The following AGBL4 variants were observed in gnomAD, a reference collection of about 807,000 sequenced individuals.
AGBL4 encodes cytosolic carboxypeptidase 6.
Under a neutral mutation model 66.4 loss-of-function variants are expected in AGBL4, and 58 were observed. The observed-to-expected ratio is 0.87, with a 90% CI of 0.71 to 1.09. The LOEUF is 1.09. Ranked by LOEUF, AGBL4 falls within the 50% of genes least tolerant of loss-of-function variation. The pLI, the probability that AGBL4 is intolerant of heterozygous loss-of-function variation, is 0.00. For missense variants in AGBL4, 579 were observed against 631.0 expected, an observed-to-expected ratio of 0.92 and a Z score of 0.88; for synonymous variants, 234 against 222.9, an observed-to-expected ratio of 1.05 and a Z score of -0.44.
intron 1 of AGBL4, among the ~76,000 whole-genome samples, chr1:49,880,990 G>T (rs554441430): frequency 7.2e-5 from 11 of 152,264 alleles, no homozygotes; most frequent in African/African-American, 2.4e-4. Context: ...TGCTTCCCAG[G>T]TGAGGCAATG....
intron 2 of AGBL4, among the ~76,000 whole-genome samples, chr1:49,741,836 G>A (rs1650511766): frequency 1.3e-5 from 2 of 152,078 alleles, no homozygotes; most frequent in Admixed American, 1.3e-4. Flanking sequence ...AAAGGCCTTT[G>A]ACAAAATTCA....
intron 3 of AGBL4, among the ~76,000 whole-genome samples, chr1:49,429,664 CCTTAT>C (rs1192217919): frequency 6.6e-6 from 1 of 151,968 alleles, no homozygotes; most frequent in African/African-American, 2.4e-5. Context: ...AAAATAAGAA[CCTTAT>C]CTTATCACTC....
intron 1 of AGBL4, among the ~76,000 whole-genome samples, chr1:49,861,027 A>T (rs1268336413): frequency 1.3e-5 from 2 of 152,114 alleles, no homozygotes; most frequent in Admixed American, 1.3e-4. Context: ...TGACGCACTG[A>T]ACTCAGTGCT....
chr1:48,740,785 G>A (rs1649797751), intron 6 of AGBL4, among the ~76,000 whole-genome samples: 1 of 152,168 alleles, frequency 6.6e-6, no homozygotes, highest in Non-Finnish European at 1.5e-5. Context: ...GCAGAGCCAA[G>A]AACAATGAGG....
At chr1:48,788,679 C>T (rs923258526) in intron 6 of AGBL4, among the ~76,000 whole-genome samples, 2 of 152,144 alleles carry the variant, frequency 1.3e-5, no homozygotes, top group Non-Finnish European at 2.9e-5. Flanking sequence ...TTCTGTGATG[C>T]CCTGCCTTAT....
intron 3 of AGBL4, among the ~76,000 whole-genome samples, chr1:49,361,727 C>A (rs759581625): frequency 6.6e-6 from 1 of 152,090 alleles, no homozygotes; most frequent in Admixed American, 6.6e-5. Context: ...TCTTCCTATT[C>A]ATTCGCCATT....
intron 6 of AGBL4, among the ~76,000 whole-genome samples, chr1:48,731,150 C>T (rs1029666486): frequency 2.0e-5 from 3 of 152,116 alleles, no homozygotes; most frequent in Non-Finnish European, 4.4e-5. Flanking sequence ...AATCTCAATC[C>T]AGCAGACAGC....
At chr1:49,968,634 T>G (rs1657776092) in intron 1 of AGBL4, among the ~76,000 whole-genome samples, 1 of 152,188 alleles carries the variant, frequency 6.6e-6, no homozygotes. Flanking sequence ...CTCCAGGTAA[T>G]TAAGTTCTAG....
chr1:48,656,260 C>T (rs1415816581), intron 7 of AGBL4, among the ~76,000 whole-genome samples: 2 of 152,234 alleles, frequency 1.3e-5, no homozygotes. Context: ...TCAACTGAGA[C>T]ATATTTATTG....
At chr1:48,669,069 C>T (rs1449038633) in intron 6 of AGBL4, among the ~76,000 whole-genome samples, 1 of 152,110 alleles carries the variant, frequency 6.6e-6, no homozygotes, top group Non-Finnish European at 1.5e-5. Context: ...TTCTTCTGTA[C>T]CCTGAGGGGG....
At chr1:48,700,568 G>A (rs1646785740) in intron 6 of AGBL4, among the ~76,000 whole-genome samples, 1 of 152,198 alleles carries the variant, frequency 6.6e-6, no homozygotes, top group Admixed American at 6.5e-5. Context: ...ACAGGTAGGA[G>A]GGCATGTGTG....
At chr1:49,403,977 T>C (rs1185932547) in intron 3 of AGBL4, among the ~76,000 whole-genome samples, 1 of 152,150 alleles carries the variant, frequency 6.6e-6, no homozygotes, top group African/African-American at 2.4e-5. Flanking sequence ...CTCCCTCCCA[T>C]TTATCTGAGT....
At chr1:49,877,137 G>A (rs1232475760) in intron 1 of AGBL4, among the ~76,000 whole-genome samples, 1 of 151,432 alleles carries the variant, frequency 6.6e-6, no homozygotes, top group Admixed American at 6.6e-5. Flanking sequence ...TTTCCTAATT[G>A]AATACCCTTT....
At position 48,742,847 on chromosome 1, in the gene AGBL4, T is replaced by C. The variant is rs17104751; in HGVS notation, c.635-79606A>G. The C allele has an allele frequency of 3.9e-4, 541 of 1,399,808 alleles. 2 individuals carry two copies. The African/African-American group carries it at 6.9e-3, about 18-fold the overall frequency. The allele number at this position is 1,399,808 out of a possible 1,614,324, so 86.7% of individuals were successfully genotyped here. A position where few individuals can be genotyped will look rare whatever the true frequency, so the allele number is the denominator to read the frequency against. On this transcript the variant is annotated intron_variant, in intron 6 of 13. Transcript: ENST00000371839. ...GCAAATATTTTTAACTAGGCATCTA[T>C]CAGCACACCATGGCACAAAAAATTT...
chr1:49,134,874 G>A (rs1645978617), intron 4 of AGBL4, among the ~76,000 whole-genome samples: 1 of 152,080 alleles, frequency 6.6e-6, no homozygotes, highest in Admixed American at 6.6e-5. Flanking sequence ...AAATGTCCAT[G>A]AAATTTTCAC....
intron 2 of AGBL4, among the ~76,000 whole-genome samples, chr1:49,752,168 G>A (rs942142051): frequency 6.6e-6 from 1 of 151,940 alleles, no homozygotes; most frequent in Non-Finnish European, 1.5e-5. Context: ...TGTGATGTTA[G>A]CGTGTCAATT....
At chr1:49,584,154 C>T (rs937439070) in intron 3 of AGBL4, among the ~76,000 whole-genome samples, 2 of 152,188 alleles carry the variant, frequency 1.3e-5, no homozygotes, top group Non-Finnish European at 2.9e-5. Flanking sequence ...AGTGGAAACA[C>T]TTTACTTCAG....
downstream of AGBL4, among the ~76,000 whole-genome samples, chr1:48,530,588 CATT>C (rs1376494090): frequency 6.6e-6 from 1 of 152,176 alleles, no homozygotes; most frequent in African/African-American, 2.4e-5. Flanking sequence ...GCAAAGCAAA[CATT>C]ATCACCAACC....
chr1:49,810,391 T>C (rs1356950159), intron 2 of AGBL4, among the ~76,000 whole-genome samples: 1 of 152,224 alleles, frequency 6.6e-6, no homozygotes, highest in Non-Finnish European at 1.5e-5. Flanking sequence ...TATTATATTC[T>C]AAAAGAACAG....
Sources: gnomAD v4.1 joint callset for allele counts (sites outside exome capture counted in the v4.1 genomes callset) on GRCh38, gnomAD v4.1.1 for gene constraint, MANE v1.5 for transcripts, NCBI Gene and HGNC (gene_info 2026-07-23, HGNC 2026-07-21) for gene names.